EFL1: variants seen among roughly 807,000 people sequenced by gnomAD.
EFL1 encodes elongation factor-like GTPase 1.
In EFL1, 76 loss-of-function variants were observed where a neutral mutation model predicts 126.7. The ratio of observed to expected loss-of-function variants is 0.60; its 90% CI spans 0.50 to 0.73. The LOEUF is 0.73. EFL1 is among the 30% of genes least tolerant of loss of function. EFL1 has a pLI of 0.00. For synonymous variants in EFL1, 410 were observed against 448.4 expected (o/e 0.91, Z 1.08); for missense variants, 1,128 against 1,343.2 (o/e 0.84, Z 2.50).
chr15:82,212,012 G>C (rs1427490320), intron 15 of EFL1, among the ~76,000 whole-genome samples: 1 of 151,984 alleles, frequency 6.6e-6, no homozygotes, highest in Non-Finnish European at 1.5e-5. Flanking sequence ...TAAGCCACTG[G>C]GAAACTGACA....
chr15:82,187,915 C>T (rs926362882), intron 15 of EFL1, among the ~76,000 whole-genome samples: 4 of 151,874 alleles, frequency 2.6e-5, no homozygotes, highest in African/African-American at 9.7e-5. Flanking sequence ...CTATATTTCA[C>T]GGTAATAACT....
At chr15:82,155,480 C>T (rs1303005353) in intron 17 of EFL1, among the ~76,000 whole-genome samples, 1 of 151,996 alleles carries the variant, frequency 6.6e-6, no homozygotes, top group African/African-American at 2.4e-5. Flanking sequence ...CCAGCCTGAG[C>T]AATGGGAGTG....
chr15:82,232,554 ATAGT>A (rs998651425), intron 7 of EFL1, among the ~76,000 whole-genome samples: 6 of 152,166 alleles, frequency 3.9e-5, no homozygotes, highest in Non-Finnish European at 5.9e-5. Flanking sequence ...ATGATAATTG[ATAGT>A]TAATCTCTTC....
At chr15:82,259,275 A>G (rs2075092320) in intron 2 of EFL1, 120 bp from the exon 3 acceptor site, 1 of 828,960 alleles carries the variant, frequency 1.2e-6, no homozygotes, top group African/African-American at 1.7e-5. Flanking sequence ...CTATTTACCT[A>G]TGCTAGGTGA....
chr15:82,181,047 A>C (rs1214501389), intron 15 of EFL1, among the ~76,000 whole-genome samples: 2 of 151,940 alleles, frequency 1.3e-5, no homozygotes, highest in Non-Finnish European at 2.9e-5. Context: ...TTTTTAATTG[A>C]CCAATTATCA....
At chr15:82,223,470 C>G (rs1007704674) in intron 12 of EFL1, among the ~76,000 whole-genome samples, 1 of 152,002 alleles carries the variant, frequency 6.6e-6, no homozygotes, top group African/African-American at 2.4e-5. Context: ...ATCAGAAAAG[C>G]ATATGATGAA....
intron 15 of EFL1, among the ~76,000 whole-genome samples, chr15:82,195,772 C>G (rs1037818078): frequency 6.6e-6 from 1 of 152,168 alleles, no homozygotes; most frequent in African/African-American, 2.4e-5. Context: ...TTCATTCCCA[C>G]CCACACTTGA....
intron 19 of EFL1, among the ~76,000 whole-genome samples, chr15:82,131,906 T>C (rs1442556571): frequency 6.6e-6 from 1 of 151,628 alleles, no homozygotes; most frequent in African/African-American, 2.4e-5. Context: ...CACAGAGAGA[T>C]GGAGATTAAA....
intron 15 of EFL1, among the ~76,000 whole-genome samples, chr15:82,204,830 A>G (rs2074507594): frequency 6.6e-6 from 1 of 152,256 alleles, no homozygotes; most frequent in Non-Finnish European, 1.5e-5. Flanking sequence ...TTGGCATGAC[A>G]ACTATGCTGA....
chr15:82,205,140 C>T (rs1282798136), intron 15 of EFL1, among the ~76,000 whole-genome samples: 1 of 152,208 alleles, frequency 6.6e-6, no homozygotes, highest in Non-Finnish European at 1.5e-5. Flanking sequence ...TTCCTCCAAG[C>T]TTGTAACTAG....
At chr15:82,138,872 GGATCAA>G (rs2073754689) in intron 18 of EFL1, 30 bp from the exon 19 acceptor site, 2 of 1,601,124 alleles carry the variant, frequency 1.2e-6, no homozygotes, top group African/African-American at 2.7e-5. Context: ...TTAAAATCAT[GGATCAA>G]TCATATGGCT....
intron 4 of EFL1, among the ~76,000 whole-genome samples, chr15:82,247,478 T>C (rs1596008149): frequency 1.3e-5 from 2 of 151,948 alleles, no homozygotes; most frequent in Non-Finnish European, 2.9e-5. Context: ...AGGTGAATAA[T>C]TGGATGGTCT....
At position 82,211,595 on chromosome 15, in the gene EFL1, G is replaced by GACACACACACACACAC. The variant is rs10543301; in HGVS notation, c.1750+3106_1750+3121dup. Among the ~76,000 whole-genome samples, 287 of 105,792 alleles carry GACACACACACACACAC rather than the reference G, an allele frequency of 2.7e-3. 19 individuals are homozygous for GACACACACACACACAC. The highest frequency in any genetic ancestry group is 0.014 in the Middle Eastern group (3 of 208). 69.4% of individuals were successfully genotyped at this position (105,792 alleles called of 152,430 possible). The stretch of plus-strand genomic sequence containing the variant: ...ACACACACACACTAGACACATACTA[G>GACACACACACACACAC]ACACACACACACACACACACACACT... On this transcript the variant is annotated intron_variant, in intron 15 of 19. Coordinates refer to ENST00000268206, the MANE Select transcript of EFL1 (RefSeq NM_024580.6).
chr15:82,234,270 C>A lies in EFL1; in HGVS notation c.732-3299G>T, dbSNP rs2867633. 7.8e-3 allele frequency among the ~76,000 whole-genome samples: 1,189 copies of A among 152,032 alleles called. 17 individuals are homozygous for A. The highest frequency in any genetic ancestry group is 0.027 in the African/African-American group (1,129 of 41,504). On this transcript the variant is annotated intron_variant, in intron 7 of 19. Coordinates refer to ENST00000268206, the MANE Select transcript of EFL1 (RefSeq NM_024580.6). ...TCACAAATCAGGAAATCAACAAGTA[C>A]GACCGTATTATATGACTGAATGAAT...
chr15:82,197,967 T>C (rs951663814), intron 15 of EFL1, among the ~76,000 whole-genome samples: 1 of 152,106 alleles, frequency 6.6e-6, no homozygotes, highest in Non-Finnish European at 1.5e-5. Context: ...TAACCTACAA[T>C]GAGAAGTCCT....
chr15:82,259,208 T>C, intron 2 of EFL1, 53 bp from the exon 3 acceptor site: 2 of 1,473,130 alleles, frequency 1.4e-6, no homozygotes, highest in Non-Finnish European at 1.9e-6. Flanking sequence ...AAAGGGGTCA[T>C]GGATCATACC....
intron 3 of EFL1, among the ~76,000 whole-genome samples, chr15:82,258,520 A>C (rs2075085758): frequency 6.6e-6 from 1 of 152,168 alleles, no homozygotes; most frequent in African/African-American, 2.4e-5. Flanking sequence ...ACACCACTGC[A>C]CTCTAGCCTG....
chr15:82,204,141 T>C (rs2074500237), intron 15 of EFL1, among the ~76,000 whole-genome samples: 1 of 152,220 alleles, frequency 6.6e-6, no homozygotes, highest in Admixed American at 6.5e-5. Context: ...TGCATTTCCT[T>C]GATTACTTCA....
intron 19 of EFL1, among the ~76,000 whole-genome samples, chr15:82,135,982 A>C (rs2073717327): frequency 1.3e-5 from 2 of 152,116 alleles, no homozygotes; most frequent in Non-Finnish European, 2.9e-5. Flanking sequence ...TTAGACTCAA[A>C]AGAGAAATAA....
Sources: allele counts gnomAD v4.1 joint callset (sites outside exome capture counted in the v4.1 genomes callset), GRCh38; gene constraint gnomAD v4.1.1; transcripts MANE v1.5; gene names NCBI Gene and HGNC (gene_info 2026-07-23, HGNC 2026-07-21).